FREM2: variants seen among roughly 807,000 people sequenced by gnomAD.
The protein encoded by FREM2 is FRAS1-related extracellular matrix protein 2.
Under a neutral mutation model 219.9 loss-of-function variants are expected in FREM2, and 119 were observed. The observed-to-expected ratio is 0.54, with a 90% CI of 0.47 to 0.63. The LOEUF is 0.63. Ranked by LOEUF, FREM2 falls within the 30% of genes least tolerant of loss-of-function variation. FREM2 has a pLI of 0.00. For synonymous variants in FREM2, 1,562 were observed against 1,522.8 expected, an observed-to-expected ratio of 1.03 and a Z score of -0.60; for missense variants, 4,030 against 3,993.6, an observed-to-expected ratio of 1.01 and a Z score of -0.25.
chr13:38,688,345 T>C lies in FREM2; in HGVS notation c.1001T>C (p.Val334Ala), dbSNP rs1476279000. ...ATGATGATGGAGGTGGACCAGTTTGTACTGACGGCCCTGACCCCAGACATG... is the reference window on the plus strand; with the variant it reads ...ATGATGATGGAGGTGGACCAGTTTGCACTGACGGCCCTGACCCCAGACATG... ...AMMMMEVDQFVLTALTPDMLA... is the reference protein window; with the variant it reads ...AMMMMEVDQFALTALTPDMLA... Residue 334 changes from valine (V) to alanine (A), a missense_variant, in exon 1 of 24, where the codon GTA (valine) becomes GCA (alanine). Val to Ala is a moderately conservative substitution (Grantham distance 64). This residue lies in a region of FREM2 where 3,102 missense variants were observed against 2,950.7 expected (regional missense o/e 1.05). Transcript: ENST00000280481. 7 of 1,614,198 alleles carry C rather than the reference T, an allele frequency of 4.3e-6. No individual in the cohort carries two copies. The highest frequency in any genetic ancestry group is 5.9e-6 in the Non-Finnish European group (7 of 1,180,038).
At chr13:38,792,980 C>A (rs1405202521) in intron 6 of FREM2, among the ~76,000 whole-genome samples, 1 of 152,134 alleles carries the variant, frequency 6.6e-6, no homozygotes, top group African/African-American at 2.4e-5. Flanking sequence ...CAAATTTTTT[C>A]TTTGAAAGAA....
chr13:38,756,818 G>C (rs919805442), intron 2 of FREM2, among the ~76,000 whole-genome samples: 13 of 152,066 alleles, frequency 8.5e-5, no homozygotes, highest in African/African-American at 3.1e-4. Context: ...TGGGATTACC[G>C]GCGTGAACCA....
At chr13:38,860,292 G>A (rs1877714067) in intron 14 of FREM2, among the ~76,000 whole-genome samples, 1 of 152,042 alleles carries the variant, frequency 6.6e-6, no homozygotes, top group African/African-American at 2.4e-5. Flanking sequence ...ATTTAAGGCT[G>A]GAGCAAAGAC....
intron 4 of FREM2, 106 bp downstream of exon 4, chr13:38,769,914 C>A: frequency 1.2e-6 from 1 of 834,690 alleles, no homozygotes; most frequent in Non-Finnish European, 2.0e-6. Context: ...TTGAAATTTC[C>A]ATAGAGAGAA....
intron 2 of FREM2, among the ~76,000 whole-genome samples, chr13:38,744,208 T>A (rs1872368755): frequency 7.2e-6 from 1 of 137,960 alleles, no homozygotes; most frequent in African/African-American, 2.8e-5. Flanking sequence ...AAATCCTTTT[T>A]TTTTTTTTTT....
intron 6 of FREM2, among the ~76,000 whole-genome samples, chr13:38,789,525 T>C (rs1316922690): frequency 6.6e-6 from 1 of 151,346 alleles, no homozygotes; most frequent in African/African-American, 2.4e-5. Flanking sequence ...TCAAGTTTTT[T>C]TTTAAAAAAA....
intron 6 of FREM2, among the ~76,000 whole-genome samples, chr13:38,795,048 C>T (rs1874715269): frequency 6.6e-6 from 1 of 152,082 alleles, no homozygotes; most frequent in Admixed American, 6.6e-5. Context: ...CTGCTTACCT[C>T]AGATAACATG....
chr13:38,731,996 T>C (rs1033669785), intron 2 of FREM2, among the ~76,000 whole-genome samples: 36 of 152,226 alleles, frequency 2.4e-4, no homozygotes, highest in African/African-American at 8.4e-4. Flanking sequence ...ATGTGTCACA[T>C]AGAGCTTGGA....
intron 6 of FREM2, among the ~76,000 whole-genome samples, chr13:38,824,767 A>G (rs1057112282): frequency 4.2e-4 from 64 of 152,018 alleles, no homozygotes; most frequent in African/African-American, 1.5e-3. Flanking sequence ...TACAATAGAA[A>G]AGTGATGTTA....
chr13:38,864,197 A>G, intron 15 of FREM2, 78 bp from the exon 16 acceptor site: 1 of 1,083,032 alleles, frequency 9.2e-7, no homozygotes, highest in Admixed American at 1.8e-5. Flanking sequence ...TGTTTTCTTA[A>G]GAGATAAAGA....
chr13:38,723,635 T>G (rs1182567211), intron 2 of FREM2, among the ~76,000 whole-genome samples: 1 of 152,354 alleles, frequency 6.6e-6, no homozygotes, highest in East Asian at 1.9e-4. Context: ...TCTTTCTATA[T>G]CTATTCCTTC....
chr13:38,773,063 T>C (rs1230982194), intron 4 of FREM2, among the ~76,000 whole-genome samples: 1 of 152,170 alleles, frequency 6.6e-6, no homozygotes, highest in Non-Finnish European at 1.5e-5. Context: ...ATAATTATGG[T>C]CTTACAATGC....
At chr13:38,857,021 A>G (rs1877588346) in intron 12 of FREM2, among the ~76,000 whole-genome samples, 1 of 152,060 alleles carries the variant, frequency 6.6e-6, no homozygotes, top group Non-Finnish European at 1.5e-5. Flanking sequence ...TTTCTACTAC[A>G]GTGCCTTGCT....
Position 38,882,661 on chromosome 13 carries a change from A to T in FREM2, c.*1874A>T, listed in dbSNP as rs915896752. The T allele has an allele frequency of 6.6e-6, 1 of 152,236 alleles. No individual in the cohort carries two copies. Among genetic ancestry groups the T allele is most frequent in the African/African-American group, 2.4e-5 (1 of 41,472 alleles). The allele number at this position is 152,236 out of a possible 1,614,324, so 9.4% of individuals were successfully genotyped here. On this transcript the variant is annotated 3_prime_UTR_variant, in exon 24 of 24. Coordinates refer to ENST00000280481, the MANE Select transcript of FREM2 (RefSeq NM_207361.6). Reference sequence around the variant, plus strand: ...CAGGAGTTTATTTAGCAAGATAAATAGTGGTAATTTCTTAATCATTCCCCT... The same window carrying T: ...CAGGAGTTTATTTAGCAAGATAAATTGTGGTAATTTCTTAATCATTCCCCT...
chr13:38,802,665 A>AAGACAC, intron 6 of FREM2, among the ~76,000 whole-genome samples: 1 of 152,290 alleles, frequency 6.6e-6, no homozygotes, highest in South Asian at 2.1e-4. Flanking sequence ...GCTCCAGGAT[A>AAGACAC]AGACACAGTC....
intron 6 of FREM2, among the ~76,000 whole-genome samples, chr13:38,805,782 T>A (rs775797651): frequency 9.9e-5 from 15 of 152,062 alleles, no homozygotes; most frequent in Non-Finnish European, 1.5e-4. Context: ...ATAGTAATTA[T>A]CACTTGTTAT....
At position 38,783,115 on chromosome 13, in the gene FREM2, A is replaced by T. The variant is rs754910119; in HGVS notation, c.5687A>T (p.Asp1896Val). The change falls in exon 5 of 24, where the codon GAT becomes GTT. Residue 1896 changes from aspartate (D) to valine (V), a missense_variant. Transcript: ENST00000280481. ...CAGTCCAAATACTCCGTTGAAGAAGATGTTGGTGAGCTGTTCATTCCCATC... is the reference window on the plus strand; with the variant it reads ...CAGTCCAAATACTCCGTTGAAGAAGTTGTTGGTGAGCTGTTCATTCCCATC... ...IPQSKYSVEEDVGELFIPIRR... is the reference protein window; with the variant it reads ...IPQSKYSVEEVVGELFIPIRR... 6.2e-7 allele frequency: 1 copy of T among 1,613,950 alleles called. No homozygotes were observed. Among genetic ancestry groups the T allele is most frequent in the Non-Finnish European group, 8.5e-7 (1 of 1,179,910 alleles).
At chr13:38,772,693 C>T (rs28409814) in intron 4 of FREM2, among the ~76,000 whole-genome samples, 4 of 105,000 alleles carry the variant, frequency 3.8e-5, no homozygotes, top group African/African-American at 3.9e-5. Flanking sequence ...TTCTTTTTTT[C>T]TCTCTCTCTT....
intron 6 of FREM2, among the ~76,000 whole-genome samples, chr13:38,799,532 A>T (rs927650470): frequency 6.6e-6 from 1 of 152,024 alleles, no homozygotes; most frequent in Non-Finnish European, 1.5e-5. Context: ...TTTCTGTCTC[A>T]ATGATCTGTC....
Sources: allele counts gnomAD v4.1 joint callset (sites outside exome capture counted in the v4.1 genomes callset), GRCh38; gene constraint gnomAD v4.1.1; regional missense constraint gnomAD v4.1.1; transcripts MANE v1.5; gene names NCBI Gene and HGNC (gene_info 2026-07-23, HGNC 2026-07-21).